The following SNIP1 variants were observed in gnomAD, a reference collection of about 807,000 sequenced individuals.
The protein encoded by SNIP1 is smad nuclear-interacting protein 1.
In SNIP1, 23 loss-of-function variants were observed where a neutral mutation model predicts 37.4. That is an observed-to-expected ratio of 0.61 (90% confidence interval 0.44 to 0.87). The LOEUF (loss-of-function observed/expected upper bound fraction) is 0.87, where lower values mean the gene tolerates loss of function less well. SNIP1 is among the 40% of genes least tolerant of loss of function. The pLI, the probability that SNIP1 is intolerant of heterozygous loss-of-function variation, is 0.00. For synonymous variants in SNIP1, 174 were observed against 200.0 expected (o/e 0.87, Z 1.10); for missense variants, 459 against 540.4 (o/e 0.85, Z 1.49).
intron 2 of SNIP1, chr1:37,541,394 G>A (rs1570019884): frequency 6.6e-6 from 1 of 152,346 alleles, no homozygotes; most frequent in African/African-American, 2.4e-5. Flanking sequence ...CAGGCATGGT[G>A]GCTCAAGCCT....
chr1:37,551,127 T>C (rs981663113), intron 2 of SNIP1, among the ~76,000 whole-genome samples: 1 of 129,714 alleles, frequency 7.7e-6, no homozygotes, highest in Non-Finnish European at 1.7e-5. Flanking sequence ...AGAAAAGATG[T>C]CCAATATCAT....
At position 37,536,626 on chromosome 1, in the gene SNIP1, A is replaced by G. The variant is rs1230810179; in HGVS notation, c.*1122T>C. 1.3e-5 allele frequency: 2 copies of G among 152,594 alleles called. No individual in the cohort carries two copies. The highest frequency in any genetic ancestry group is 1.9e-4 in the East Asian group (1 of 5,204). 9.5% of individuals were successfully genotyped at this position (152,594 alleles called of 1,614,324 possible). ...AAATGCAGGGAGGCCTTTGCCTAACATTGTCATATGAAAATCAGTATCAGC... is the reference window on the plus strand; with the variant it reads ...AAATGCAGGGAGGCCTTTGCCTAACGTTGTCATATGAAAATCAGTATCAGC... On this transcript the variant is annotated 3_prime_UTR_variant, in exon 4 of 4. Transcript: ENST00000296215.
chr1:37,549,449 G>T (rs1643277760), intron 2 of SNIP1, among the ~76,000 whole-genome samples: 2 of 152,126 alleles, frequency 1.3e-5, no homozygotes, highest in South Asian at 2.1e-4. Flanking sequence ...CTGTCGCCCA[G>T]GCTGGAGTGC....
At chr1:37,553,080 C>G (rs1435208702) in intron 1 of SNIP1, among the ~76,000 whole-genome samples, 1 of 152,160 alleles carries the variant, frequency 6.6e-6, no homozygotes, top group African/African-American at 2.4e-5. Flanking sequence ...CCTTCACTAC[C>G]AACACCCCTA....
chr1:37,542,649 AG>A (rs1643188729), intron 2 of SNIP1, among the ~76,000 whole-genome samples: 1 of 152,194 alleles, frequency 6.6e-6, no homozygotes, highest in Non-Finnish European at 1.5e-5. Context: ...CTGAGGTGGG[AG>A]GATCGCTTGA....
chr1:37,554,105 G>C lies in SNIP1; in HGVS notation c.125C>G (p.Ala42Gly). The change falls in exon 1 of 4, where the codon GCC (alanine) becomes GGC (glycine). Residue 42 changes from alanine (A) to glycine (G), a missense_variant. Ala to Gly is a moderately conservative substitution (Grantham distance 60, BLOSUM62 0). Coordinates refer to ENST00000296215, the MANE Select transcript of SNIP1 (RefSeq NM_024700.4). ...ACCGGAGTGGTCCGGACGGCGGTGG[G>C]CGGGAGGTGCGACTTCTGGGCTGAG... ...ERLSPEVAPP[A>G]HRRPDHSGGS... 6.2e-7 allele frequency: 1 copy of C among 1,611,990 alleles called. No individual in the cohort carries two copies. The highest frequency in any genetic ancestry group is 8.5e-7 in the Non-Finnish European group (1 of 1,179,320).
chr1:37,546,150 C>G (rs866666013), intron 2 of SNIP1, among the ~76,000 whole-genome samples: 21 of 131,302 alleles, frequency 1.6e-4, no homozygotes, highest in South Asian at 4.7e-4. Flanking sequence ...CTAAGACCCC[C>G]CCCCCCCCCG....
rs1643082808 is a variant in SNIP1 at position 37,535,679 on chromosome 1, T to G, written c.*2069A>C. 6.6e-6 allele frequency: 1 copy of G among 152,116 alleles called. No homozygotes were observed. The highest frequency in any genetic ancestry group is 1.5e-5 in the Non-Finnish European group (1 of 68,030). The allele number at this position is 152,116 out of a possible 1,614,324, so 9.4% of individuals were successfully genotyped here. A position where few individuals can be genotyped will look rare whatever the true frequency, so the allele number is the denominator to read the frequency against. On this transcript the variant is annotated 3_prime_UTR_variant, in exon 4 of 4. Transcript: ENST00000296215. ...TAAACCCTCAAGAGAAAACCGTCAG[T>G]CTGGATCAAGAGAAAAGTTCATCCA...
chr1:37,550,173 CA>C (rs1163757192), intron 2 of SNIP1, among the ~76,000 whole-genome samples: 28 of 152,178 alleles, frequency 1.8e-4, no homozygotes, highest in African/African-American at 6.7e-4. Context: ...TAGGGCTAGG[CA>C]AAAAGTTCTT....
At position 37,540,062 on chromosome 1, in the gene SNIP1, G is replaced by T; in HGVS notation, c.926+95C>A. 2 of 1,043,628 alleles carry T rather than the reference G, an allele frequency of 1.9e-6. No individual in the cohort carries two copies. The highest frequency in any genetic ancestry group is 2.8e-6 in the Non-Finnish European group (2 of 706,502). The allele number at this position is 1,043,628 out of a possible 1,614,324, so 64.6% of individuals were successfully genotyped here. Reference sequence around the variant, plus strand: ...CTTTAGATAACATATGAGGGGTATGGGATTCTTCTGCATAAACATGAACAA... The same window carrying T: ...CTTTAGATAACATATGAGGGGTATGTGATTCTTCTGCATAAACATGAACAA... On this transcript the variant is annotated intron_variant, in intron 3 of 3. Coordinates refer to ENST00000296215, the MANE Select transcript of SNIP1 (RefSeq NM_024700.4). The surrounding 1 kb of genome is among the most constrained non-coding windows in gnomAD (Gnocchi z 5.6).
In SNIP1 at chr1:37,537,563, A is replaced by AATTG; in HGVS notation, c.*184_*185insCAAT. On this transcript the variant is annotated 3_prime_UTR_variant, in exon 4 of 4. Coordinates refer to ENST00000296215, the MANE Select transcript of SNIP1 (RefSeq NM_024700.4). ...GGCCAAGGTGCCACAGAAAAAGTTT[A>AATTG]ACAAACATTAGTCAGTGTATTCAAA... 1 of 629,008 alleles carries AATTG rather than the reference A, an allele frequency of 1.6e-6. No individual in the cohort carries two copies. Among genetic ancestry groups the AATTG allele is most frequent in the Non-Finnish European group, 2.6e-6 (1 of 378,962 alleles). 39.0% of individuals were successfully genotyped at this position (629,008 alleles called of 1,614,324 possible).
chr1:37,553,906 T>G, intron 1 of SNIP1, 100 bp downstream of exon 1: 2 of 1,230,438 alleles, frequency 1.6e-6, no homozygotes, highest in Non-Finnish European at 2.3e-6. Context: ...AAGTCCGGGC[T>G]GCTGCGCCCA....
intron 2 of SNIP1, among the ~76,000 whole-genome samples, chr1:37,548,170 A>AG (rs1392888424): frequency 1.3e-5 from 2 of 149,032 alleles, no homozygotes; most frequent in African/African-American, 4.9e-5. Flanking sequence ...AAAAAAAAAA[A>AG]AAAAAGATAT....
chr1:37,546,157 C>CA (rs1462780568), intron 2 of SNIP1, among the ~76,000 whole-genome samples: 1 of 139,546 alleles, frequency 7.2e-6, no homozygotes, highest in African/African-American at 2.6e-5. Flanking sequence ...CCCCCCCCCC[C>CA]CCGCTCCCTG....
intron 1 of SNIP1, among the ~76,000 whole-genome samples, 195 bp downstream of exon 1, chr1:37,553,811 G>A (rs1368243779): frequency 6.6e-6 from 1 of 152,176 alleles, no homozygotes; most frequent in Non-Finnish European, 1.5e-5. Context: ...TAGTCATTAG[G>A]CGTTGAACAC....
chr1:37,537,821 G>T lies in SNIP1; in HGVS notation c.1118C>A (p.Ser373Ter). 1 of 1,614,124 alleles carries T rather than the reference G, an allele frequency of 6.2e-7. No individual in the cohort carries two copies. The highest frequency in any genetic ancestry group is 8.5e-7 in the Non-Finnish European group (1 of 1,180,022). Reference protein sequence around the residue: ...SSREYVLLHESSDTSEIDRKD... With the variant: ...SSREYVLLHE ...CCTGTCTATTTCAGAAGTGTCCGACGACTCATGGAGCAAGACGTATTCTCT... is the reference window on the plus strand; with the variant it reads ...CCTGTCTATTTCAGAAGTGTCCGACTACTCATGGAGCAAGACGTATTCTCT... Residue 373 changes from serine (S) to a stop codon, truncating the protein, a stop_gained, in exon 4 of 4, where the codon TCG (serine) becomes TAG (stop). Transcript: ENST00000296215. LOFTEE classifies it high-confidence loss of function.
Position 37,545,061 on chromosome 1 carries a change from C to A in SNIP1, c.328-4306G>T. 5 of 750,520 alleles carry A rather than the reference C, an allele frequency of 6.7e-6. No individual in the cohort carries two copies. In the South Asian group the frequency reaches 6.7e-5, roughly 10 times the overall value. 46.5% of individuals were successfully genotyped at this position (750,520 alleles called of 1,614,324 possible). A position where few individuals can be genotyped will look rare whatever the true frequency, so the allele number is the denominator to read the frequency against. On this transcript the variant is annotated intron_variant, in intron 2 of 3. Transcript: ENST00000296215. ...AGCAGGCTGAATGCGATGGAGCATG[C>A]ATTACATTTGGAAAAACTTGGGAAT...
Position 37,554,214 on chromosome 1 carries a change from T to C in SNIP1, c.16A>G (p.Ser6Gly), listed in dbSNP as rs1443545868. Residue 6 changes from serine to glycine, a missense_variant, in exon 1 of 4, where the codon AGC becomes GGC. By Grantham distance (56) the Ser-to-Gly change is moderately conservative. Coordinates refer to ENST00000296215, the MANE Select transcript of SNIP1 (RefSeq NM_024700.4). ...CGCCGGCTCCCTCGCTCCCGTTCGCTCTTCACCGCCTTCATTCTGTGATTT... is the reference window on the plus strand; with the variant it reads ...CGCCGGCTCCCTCGCTCCCGTTCGCCCTTCACCGCCTTCATTCTGTGATTT... MKAVK[S>G]ERERGSRRRH... The C allele has an allele frequency of 1.2e-6, 2 of 1,604,298 alleles. No homozygotes were observed. The highest frequency in any genetic ancestry group is 2.2e-5 in the East Asian group (1 of 44,758).
intron 2 of SNIP1, chr1:37,548,692 T>C (rs1643268992): frequency 6.7e-6 from 1 of 148,986 alleles, no homozygotes; most frequent in African/African-American, 2.5e-5. Flanking sequence ...TGAGCAGAGA[T>C]TGCGCCACTC....
Sources: gnomAD v4.1 joint callset for allele counts (sites outside exome capture counted in the v4.1 genomes callset) on GRCh38, gnomAD v4.1.1 for gene constraint, Gnocchi (gnomAD v3.1) non-coding constraint, MANE v1.5 for transcripts, NCBI Gene and HGNC (gene_info 2026-07-23, HGNC 2026-07-21) for gene names.